Variants in KSR1 observed in about 807,000 individuals in gnomAD.
The protein encoded by KSR1 is kinase suppressor of ras.
Under a neutral mutation model 92.9 loss-of-function variants are expected in KSR1, and 35 were observed. The observed-to-expected ratio is 0.38, with a 90% CI of 0.29 to 0.50. The LOEUF is 0.50. Among genes scored for constraint, KSR1 ranks in the 20% least tolerant of loss-of-function variants. KSR1 has a pLI of 0.94. For missense variants in KSR1, 972 were observed against 1,158.5 expected (o/e 0.84, Z 2.34); for synonymous variants, 467 against 472.6 (o/e 0.99, Z 0.15).
At chr17:27,566,716 T>C in intron 2 of KSR1, 1 of 396,850 alleles carries the variant, frequency 2.5e-6, no homozygotes, top group South Asian at 1.4e-4. Flanking sequence ...AGGTGCTTGT[T>C]TCATGACTTC....
intron 14 of KSR1, among the ~76,000 whole-genome samples, chr17:27,606,415 A>T (rs61509647): frequency 6.6e-6 from 1 of 152,266 alleles, no homozygotes; most frequent in Non-Finnish European, 1.5e-5. Flanking sequence ...AGACATTTGC[A>T]TATACTCACG....
At chr17:27,456,917 G>GGACACCTCCCTCCGGGCCCC in intron 1 of KSR1, 43 bp downstream of exon 1, 1 of 766,734 alleles carries the variant, frequency 1.3e-6, no homozygotes, top group Non-Finnish European at 2.4e-6. Context: ...GAGCGGGCCC[G>GGACACCTCCCTCCGGGCCCC]GACACCTCCC....
intron 9 of KSR1, among the ~76,000 whole-genome samples, chr17:27,594,805 G>A (rs1395721740): frequency 6.6e-6 from 1 of 151,720 alleles, no homozygotes; most frequent in East Asian, 1.9e-4. Flanking sequence ...CAGTGATGCT[G>A]TCTTGCTCTC....
rs756327443 is a variant in KSR1 at position 27,611,542 on chromosome 17, G to A, written c.2406G>A (p.Gln802=). The part of the protein sequence containing the change: ...LQARDWPLKN[Q]AAEASIWQIG... ...CAAGAGACTGGCCCTTGAAGAACCA[G>A]GCTGCAGAGGCATCCATCTGGCAGA... The change falls in exon 18 of 21, where the codon CAG becomes CAA. Residue 802 remains glutamine, a synonymous_variant. Transcript: ENST00000644974. 11 of 1,613,792 alleles carry A rather than the reference G, an allele frequency of 6.8e-6. No individual in the cohort carries two copies. Among genetic ancestry groups the A allele is most frequent in the Non-Finnish European group, 7.6e-6 (9 of 1,179,822 alleles).
intron 1 of KSR1, among the ~76,000 whole-genome samples, chr17:27,549,238 G>A (rs566864011): frequency 6.6e-6 from 1 of 152,210 alleles, no homozygotes; most frequent in East Asian, 1.9e-4. Flanking sequence ...TACTTATTTT[G>A]GGGGGACACT....
At chr17:27,588,241 C>T in intron 5 of KSR1, 1 of 338,522 alleles carries the variant, frequency 3.0e-6, no homozygotes, top group South Asian at 7.7e-5. Flanking sequence ...GCTGACTGAG[C>T]CATCCTCAGA....
chr17:27,488,500 T>C (rs1464834817), intron 1 of KSR1, among the ~76,000 whole-genome samples: 1 of 152,204 alleles, frequency 6.6e-6, no homozygotes, highest in Non-Finnish European at 1.5e-5. Flanking sequence ...GCTGCAATAA[T>C]TTTTCTGGCT....
At chr17:27,606,587 G>A (rs1480094150) in intron 14 of KSR1, among the ~76,000 whole-genome samples, 1 of 152,138 alleles carries the variant, frequency 6.6e-6, no homozygotes, top group Non-Finnish European at 1.5e-5. Flanking sequence ...GCTGGTAAAT[G>A]TGTAACAACC....
intron 2 of KSR1, among the ~76,000 whole-genome samples, chr17:27,562,545 GCCTGAGC>G (rs2071876249): frequency 1.3e-5 from 2 of 152,202 alleles, no homozygotes; most frequent in South Asian, 4.1e-4. Context: ...TGTAGTGTGT[GCCTGAGC>G]CCCCTCTGGG....
chr17:27,521,814 C>T (rs571905403), intron 1 of KSR1, among the ~76,000 whole-genome samples: 3 of 152,290 alleles, frequency 2.0e-5, no homozygotes, highest in African/African-American at 7.2e-5. Context: ...CACCTGTTGC[C>T]CTGTTAATCC....
intron 2 of KSR1, among the ~76,000 whole-genome samples, chr17:27,565,240 T>C (rs1243724879): frequency 1.3e-5 from 2 of 152,220 alleles, no homozygotes; most frequent in Non-Finnish European, 2.9e-5. Context: ...GCTAGGCTTC[T>C]CTTTTTCTTT....
At chr17:27,519,387 C>T (rs1229865815) in intron 1 of KSR1, among the ~76,000 whole-genome samples, 1 of 152,140 alleles carries the variant, frequency 6.6e-6, no homozygotes, top group Non-Finnish European at 1.5e-5. Context: ...ACAGGAAATC[C>T]CTCCAGGATT....
intron 1 of KSR1, among the ~76,000 whole-genome samples, chr17:27,502,630 C>T (rs191938809): frequency 4.6e-5 from 7 of 152,342 alleles, no homozygotes; most frequent in East Asian, 1.9e-4. Context: ...GAGCCCTCCT[C>T]GGGGGCAGGC....
intron 1 of KSR1, among the ~76,000 whole-genome samples, chr17:27,476,263 G>T (rs1035451251): frequency 6.6e-6 from 1 of 152,158 alleles, no homozygotes; most frequent in East Asian, 1.9e-4. Context: ...GGAATAAAAC[G>T]GAGAGTTGGT....
At chr17:27,591,149 C>G (rs1275515428) in intron 7 of KSR1, among the ~76,000 whole-genome samples, 1 of 152,082 alleles carries the variant, frequency 6.6e-6, no homozygotes, top group African/African-American at 2.4e-5. Context: ...GTACTAAGGC[C>G]TGGAGGAATA....
At chr17:27,560,482 G>A (rs761993606) in intron 2 of KSR1, 22 of 518,892 alleles carry the variant, frequency 4.2e-5, no homozygotes, top group South Asian at 3.1e-4. Flanking sequence ...TTGTGATCCT[G>A]ACTGGACATG....
rs557345276 is a variant in KSR1 at position 27,548,232 on chromosome 17, A to C, written c.232-2336A>C. Among the ~76,000 whole-genome samples the C allele has an allele frequency of 1.9e-4, 29 of 149,392 alleles. No homozygotes were observed. The South Asian group carries it at 5.6e-3, about 29-fold the overall frequency. On this transcript the variant is annotated intron_variant, in intron 1 of 20. Transcript: ENST00000644974. ...GCAACATAGTGAGACCCCATCTCAAAAAAAAAAAAAAAAGATAAAGATAAA... is the reference window on the plus strand; with the variant it reads ...GCAACATAGTGAGACCCCATCTCAACAAAAAAAAAAAAAGATAAAGATAAA...
chr17:27,605,837 G>T, intron 14 of KSR1, 24 bp downstream of exon 14: 1 of 1,610,564 alleles, frequency 6.2e-7, no homozygotes, highest in Non-Finnish European at 8.5e-7. Flanking sequence ...AGGACCTCAT[G>T]CTGGATGGCC....
chr17:27,591,823 A>C (rs2073176473), intron 7 of KSR1, among the ~76,000 whole-genome samples: 1 of 152,170 alleles, frequency 6.6e-6, no homozygotes, highest in Non-Finnish European at 1.5e-5. Flanking sequence ...CCCTCAGCCC[A>C]TTAGTGAGAA....
Sources: allele counts gnomAD v4.1 joint callset (sites outside exome capture counted in the v4.1 genomes callset), GRCh38; gene constraint gnomAD v4.1.1; transcripts MANE v1.5; gene names NCBI Gene and HGNC (gene_info 2026-07-23, HGNC 2026-07-21).